GPRIN3: variants seen among roughly 807,000 people sequenced by gnomAD.
The protein encoded by GPRIN3 is G protein-regulated inducer of neurite outgrowth 3.
Under a neutral mutation model 13.7 loss-of-function variants are expected in GPRIN3, and 12 were observed. The ratio of observed to expected loss-of-function variants is 0.87; its 90% CI spans 0.56 to 1.42. The LOEUF (loss-of-function observed/expected upper bound fraction) is 1.42, where lower values mean the gene tolerates loss of function less well. GPRIN3 is among the 40% of genes most tolerant of loss of function. The pLI, the probability that GPRIN3 is intolerant of heterozygous loss-of-function variation, is 0.00. For missense variants in GPRIN3, 1,009 were observed against 958.7 expected (o/e 1.05, Z -0.69); for synonymous variants, 377 against 372.7 (o/e 1.01, Z -0.13).
At chr4:89,266,740 A>C (rs1027456946) in intron 1 of GPRIN3, among the ~76,000 whole-genome samples, 16 of 152,194 alleles carry the variant, frequency 1.1e-4, no homozygotes, top group African/African-American at 3.6e-4. Context: ...AAGAAAGATG[A>C]TCCAAAACTC....
At chr4:89,254,152 G>GTGTGTGTGTGTGTGTGTGA in intron 1 of GPRIN3, among the ~76,000 whole-genome samples, 1 of 57,560 alleles carries the variant, frequency 1.7e-5, no homozygotes, top group Non-Finnish European at 3.9e-5. Flanking sequence ...TGTGTGTGTG[G>GTGTGTGTGTGTGTGTGTGA]AGTGTGTGTC....
At chr4:89,300,147 T>A (rs2110026085) in intron 1 of GPRIN3, among the ~76,000 whole-genome samples, 1 of 152,270 alleles carries the variant, frequency 6.6e-6, no homozygotes, top group Non-Finnish European at 1.5e-5. Context: ...GGGGGTTAAC[T>A]ATATTTGGCG....
At chr4:89,305,948 T>G (rs2110034126) in intron 1 of GPRIN3, among the ~76,000 whole-genome samples, 1 of 152,308 alleles carries the variant, frequency 6.6e-6, no homozygotes, top group South Asian at 2.1e-4. Flanking sequence ...AGTGATTAGG[T>G]GAAGGCTCAC....
At chr4:89,291,830 C>CTTTTTTTTTTT in intron 1 of GPRIN3, among the ~76,000 whole-genome samples, 1 of 115,856 alleles carries the variant, frequency 8.6e-6, no homozygotes, top group African/African-American at 3.1e-5. Context: ...ACTGTCAGGG[C>CTTTTTTTTTTT]TTTTTTTTTT....
rs1381985016 is a variant in GPRIN3, at chr4:89,246,245, G to C, written c.*1535C>G. Reference sequence around the variant, plus strand: ...TAGGTACTCTTTTCTAGCTCATTACGGGGAATGAGTTCAAAGAAGACAACC... The same window carrying C: ...TAGGTACTCTTTTCTAGCTCATTACCGGGAATGAGTTCAAAGAAGACAACC... On this transcript the variant is annotated 3_prime_UTR_variant, in exon 2 of 2. Transcript: ENST00000609438. 2.0e-5 allele frequency: 3 copies of C among 152,116 alleles called. No individual in the cohort carries two copies. The highest frequency in any genetic ancestry group is 7.2e-5 in the African/African-American group (3 of 41,402). The allele number at this position is 152,116 out of a possible 1,614,324, so 9.4% of individuals were successfully genotyped here.
chr4:89,266,340 T>C (rs888328492), intron 1 of GPRIN3, among the ~76,000 whole-genome samples: 15 of 152,166 alleles, frequency 9.9e-5, no homozygotes, highest in African/African-American at 3.6e-4. Flanking sequence ...TGGCAGCTGG[T>C]GGGCCTCTCT....
intron 1 of GPRIN3, among the ~76,000 whole-genome samples, chr4:89,283,185 T>C (rs1490180785): frequency 1.3e-5 from 2 of 152,180 alleles, no homozygotes; most frequent in East Asian, 1.9e-4. Flanking sequence ...AGCTGAACAA[T>C]AGGCCTATGT....
intron 1 of GPRIN3, among the ~76,000 whole-genome samples, chr4:89,280,536 C>A (rs1453732548): frequency 6.6e-6 from 1 of 152,162 alleles, no homozygotes; most frequent in East Asian, 1.9e-4. Context: ...TATGTCATGG[C>A]CTCTCTGCCT....
At chr4:89,286,702 T>C (rs547455107) in intron 1 of GPRIN3, among the ~76,000 whole-genome samples, 15 of 152,290 alleles carry the variant, frequency 9.8e-5, no homozygotes, top group Non-Finnish European at 1.8e-4. Context: ...AGGGAAGATA[T>C]TTTCTTTCTC....
chr4:89,248,736 T>C lies in GPRIN3; in HGVS notation c.1375A>G (p.Asn459Asp), dbSNP rs775567001. 6.2e-7 allele frequency: 1 copy of C among 1,614,182 alleles called. No individual in the cohort carries two copies. Among genetic ancestry groups the C allele is most frequent in the South Asian group, 1.1e-5 (1 of 91,086 alleles). The change falls in exon 2 of 2, where the codon AAT becomes GAT. Residue 459 changes from asparagine (N) to aspartate (D), a missense_variant. Transcript: ENST00000609438. ...GCGGTAGCTTTCAGGGAGCTAGAAT[T>C]AGTACCTGCGAGCTTTTTAGCAGTT... ...ESTAKKLAGT[N>D]SSSLKATAID... is the part of the protein sequence containing the mutation.
rs1031184364 is a variant in GPRIN3, at chr4:89,240,320, T to A, written c.*7460A>T. On this transcript the variant is annotated 3_prime_UTR_variant, in exon 2 of 2. Transcript: ENST00000609438. The stretch of plus-strand genomic sequence containing the variant: ...ACCCCACCCAAGGGTTCATTGCTCA[T>A]ATCCTATTATCTCACCAACATCATC... The A allele has an allele frequency of 1.3e-5, 2 of 152,218 alleles. No individual in the cohort carries two copies. Among genetic ancestry groups the A allele is most frequent in the African/African-American group, 2.4e-5 (1 of 41,456 alleles). 9.4% of individuals were successfully genotyped at this position (152,218 alleles called of 1,614,324 possible). A position where few individuals can be genotyped will look rare whatever the true frequency, so the allele number is the denominator to read the frequency against.
intron 1 of GPRIN3, among the ~76,000 whole-genome samples, chr4:89,301,642 A>G (rs1275523398): frequency 3.3e-5 from 5 of 152,226 alleles, no homozygotes; most frequent in Non-Finnish European, 5.9e-5. Flanking sequence ...TTTCTGAAAA[A>G]CAATCAAGAA....
At chr4:89,292,706 C>G (rs1724608351) in intron 1 of GPRIN3, among the ~76,000 whole-genome samples, 1 of 152,202 alleles carries the variant, frequency 6.6e-6, no homozygotes, top group Non-Finnish European at 1.5e-5. Flanking sequence ...TTGGTAAACT[C>G]ACCACTTCAT....
intron 1 of GPRIN3, among the ~76,000 whole-genome samples, chr4:89,272,122 G>C (rs2149272204): frequency 6.6e-6 from 1 of 152,286 alleles, no homozygotes; most frequent in South Asian, 2.1e-4. Context: ...TCTGTTGTTT[G>C]TAAGCTATGC....
rs1256235294 is a variant in GPRIN3 at position 89,236,718 on chromosome 4, A to G, written c.*11062T>C. On this transcript the variant is annotated 3_prime_UTR_variant, in exon 2 of 2. Coordinates refer to ENST00000609438, the MANE Select transcript of GPRIN3 (RefSeq NM_198281.3). ...TTCTTTGATTCGAAGCTGAGATTTGAACCCAGGGTCCTTTGATTCCAAGCC... is the reference window on the plus strand; with the variant it reads ...TTCTTTGATTCGAAGCTGAGATTTGGACCCAGGGTCCTTTGATTCCAAGCC... The G allele has an allele frequency of 6.6e-6, 1 of 152,132 alleles. No homozygotes were observed. The highest frequency in any genetic ancestry group is 1.5e-5 in the Non-Finnish European group (1 of 68,032). 9.4% of individuals were successfully genotyped at this position (152,132 alleles called of 1,614,324 possible).
chr4:89,284,653 C>T (rs527986878), intron 1 of GPRIN3, among the ~76,000 whole-genome samples: 8 of 152,290 alleles, frequency 5.3e-5, no homozygotes, highest in African/African-American at 1.9e-4. Context: ...ACTGCTCCTT[C>T]CCTAGCTCCC....
At chr4:89,299,266 T>C (rs975071001) in intron 1 of GPRIN3, among the ~76,000 whole-genome samples, 1 of 152,140 alleles carries the variant, frequency 6.6e-6, no homozygotes, top group Admixed American at 6.5e-5. Context: ...CGATTGGTAC[T>C]ATTCTCGGCA....
rs1256830047 is a variant in GPRIN3 at position 89,244,385 on chromosome 4, A to T, written c.*3395T>A. 1 of 152,218 alleles carries T rather than the reference A, an allele frequency of 6.6e-6. No homozygotes were observed. Among genetic ancestry groups the T allele is most frequent in the Non-Finnish European group, 1.5e-5 (1 of 68,026 alleles). The allele number at this position is 152,218 out of a possible 1,614,324, so 9.4% of individuals were successfully genotyped here. ...TCTCAAGATTAAAAAAAATTATCAAAGATCAAATTACATTCAATATAGGTG... is the reference window on the plus strand; with the variant it reads ...TCTCAAGATTAAAAAAAATTATCAATGATCAAATTACATTCAATATAGGTG... On this transcript the variant is annotated 3_prime_UTR_variant, in exon 2 of 2. Coordinates refer to ENST00000609438, the MANE Select transcript of GPRIN3 (RefSeq NM_198281.3).
chr4:89,303,287 C>T (rs1724947672), intron 1 of GPRIN3, among the ~76,000 whole-genome samples: 1 of 152,218 alleles, frequency 6.6e-6, no homozygotes, highest in South Asian at 2.1e-4. Flanking sequence ...TCTTCACAGC[C>T]TGTCAGTTCC....
Sources: gnomAD v4.1 joint callset for allele counts (sites outside exome capture counted in the v4.1 genomes callset) on GRCh38, gnomAD v4.1.1 for gene constraint, MANE v1.5 for transcripts, NCBI Gene and HGNC (gene_info 2026-07-23, HGNC 2026-07-21) for gene names.